Variants in SLC24A3 observed in about 807,000 individuals in gnomAD.
SLC24A3 encodes the protein solute carrier family 24 member 3, also known as sodium/potassium/calcium exchanger 3.
SLC24A3 carries 28 observed loss-of-function variants against 75.8 expected under a neutral mutation model. That is an observed-to-expected ratio of 0.37 (90% CI 0.27 to 0.51). SLC24A3 has a LOEUF of 0.51. Ranked by LOEUF, SLC24A3 falls within the 20% of genes least tolerant of loss-of-function variation. SLC24A3 has a pLI of 0.94. For synonymous variants in SLC24A3, 372 were observed against 334.1 expected, an observed-to-expected ratio of 1.11 and a Z score of -1.24; for missense variants, 663 against 847.8, an observed-to-expected ratio of 0.78 and a Z score of 2.71.
At chr20:19,435,845 A>G (rs10446037) in intron 2 of SLC24A3, among the ~76,000 whole-genome samples, 1,732 of 152,278 alleles carry the variant, frequency 0.011, 17 homozygotes, top group Middle Eastern at 0.027. Context: ...ACTTGCCTAC[A>G]CCTCACATTG....
intron 2 of SLC24A3, among the ~76,000 whole-genome samples, chr20:19,478,977 C>T (rs1414619200): frequency 1.3e-5 from 2 of 152,240 alleles, no homozygotes; most frequent in African/African-American, 4.8e-5. Flanking sequence ...TTCTTGTTCT[C>T]ACACGGGCTG....
At chr20:19,669,629 C>G (rs948853305) in intron 8 of SLC24A3, among the ~76,000 whole-genome samples, 8 of 152,112 alleles carry the variant, frequency 5.3e-5, no homozygotes, top group Admixed American at 3.3e-4. Flanking sequence ...GAAGGCCCAA[C>G]AAGAAAACTA....
At chr20:19,378,282 G>GTT (rs532076608) in intron 2 of SLC24A3, among the ~76,000 whole-genome samples, 7 of 146,936 alleles carry the variant, frequency 4.8e-5, no homozygotes, top group African/African-American at 1.9e-4. Flanking sequence ...CTACGTAGAG[G>GTT]TTTTTTTAAA....
intron 1 of SLC24A3, among the ~76,000 whole-genome samples, chr20:19,270,955 C>A (rs1438752119): frequency 1.3e-5 from 2 of 152,146 alleles, no homozygotes; most frequent in South Asian, 2.1e-4. Flanking sequence ...GGCAGGAGAG[C>A]TTTTGAAGTC....
intron 2 of SLC24A3, among the ~76,000 whole-genome samples, chr20:19,374,263 G>C (rs1006499555): frequency 6.6e-6 from 1 of 152,128 alleles, no homozygotes; most frequent in Admixed American, 6.5e-5. Context: ...AGGGTGGGCC[G>C]TCACTCCTCC....
In SLC24A3 at chr20:19,486,361, G is replaced by C. The variant is rs570313682; in HGVS notation, c.272-29127G>C. ...ACTGTGGTGTGTCTTGATGGTAACA[G>C]TGGTTGAATGAAGAAATGAAAGCCT... On this transcript the variant is annotated intron_variant, in intron 2 of 16. Transcript: ENST00000328041. 8.5e-5 allele frequency among the ~76,000 whole-genome samples: 13 copies of C among 152,346 alleles called. No individual in the cohort carries two copies. In the Middle Eastern group the frequency reaches 0.01, roughly 120 times the overall value.
chr20:19,565,313 C>G (rs2030937927), intron 3 of SLC24A3, among the ~76,000 whole-genome samples: 1 of 152,046 alleles, frequency 6.6e-6, no homozygotes, highest in Non-Finnish European at 1.5e-5. Context: ...AATGTTTCAC[C>G]CCTACAACCT....
intron 3 of SLC24A3, among the ~76,000 whole-genome samples, chr20:19,538,023 A>G (rs2030431586): frequency 1.4e-5 from 2 of 143,996 alleles, no homozygotes; most frequent in African/African-American, 4.9e-5. Context: ...AACTTAAAGT[A>G]TAATAATAAT....
At chr20:19,575,826 C>T (rs922845763) in intron 3 of SLC24A3, among the ~76,000 whole-genome samples, 1 of 152,162 alleles carries the variant, frequency 6.6e-6, no homozygotes, top group Non-Finnish European at 1.5e-5. Flanking sequence ...TGACAGGCAG[C>T]CCCAAAAAGT....
chr20:19,576,868 A>G (rs750132068), intron 3 of SLC24A3, among the ~76,000 whole-genome samples: 1 of 152,164 alleles, frequency 6.6e-6, no homozygotes, highest in Non-Finnish European at 1.5e-5. Flanking sequence ...TTAATCTACA[A>G]ATGTGCAATT....
At chr20:19,628,004 T>G (rs977072282) in intron 6 of SLC24A3, among the ~76,000 whole-genome samples, 12 of 151,736 alleles carry the variant, frequency 7.9e-5, no homozygotes, top group Admixed American at 7.9e-4. Context: ...GAGACCCTCT[T>G]GGCCAACATG....
At chr20:19,578,223 A>G (rs2122630012) in intron 3 of SLC24A3, among the ~76,000 whole-genome samples, 1 of 152,194 alleles carries the variant, frequency 6.6e-6, no homozygotes, top group Non-Finnish European at 1.5e-5. Flanking sequence ...TTGATTTTAG[A>G]CTGGAGCCGG....
chr20:19,540,517 A>G (rs1428385620), intron 3 of SLC24A3, among the ~76,000 whole-genome samples: 1 of 152,230 alleles, frequency 6.6e-6, no homozygotes, highest in African/African-American at 2.4e-5. Context: ...AGATGAAACC[A>G]GCAGGCTCGC....
chr20:19,398,368 T>G (rs2122400121), intron 2 of SLC24A3, among the ~76,000 whole-genome samples: 1 of 152,312 alleles, frequency 6.6e-6, no homozygotes, highest in Middle Eastern at 3.4e-3. Flanking sequence ...GTTTTGTAAT[T>G]TTCATTTTAC....
chr20:19,601,645 A>G (rs1278719294), intron 6 of SLC24A3, among the ~76,000 whole-genome samples: 1 of 152,088 alleles, frequency 6.6e-6, no homozygotes, highest in Non-Finnish European at 1.5e-5. Context: ...CACATGATTC[A>G]TGCAAGGGCT....
At chr20:19,450,504 T>C (rs1292812488) in intron 2 of SLC24A3, among the ~76,000 whole-genome samples, 1 of 152,164 alleles carries the variant, frequency 6.6e-6, no homozygotes, top group African/African-American at 2.4e-5. Flanking sequence ...TCACGTGTCA[T>C]GTTCTCATCA....
At chr20:19,434,577 C>G (rs1360629080) in intron 2 of SLC24A3, among the ~76,000 whole-genome samples, 1 of 152,188 alleles carries the variant, frequency 6.6e-6, no homozygotes, top group East Asian at 1.9e-4. Context: ...CATTTTTGCT[C>G]AGAAAGAAAC....
chr20:19,691,217 T>G (rs1286791770), intron 12 of SLC24A3, among the ~76,000 whole-genome samples: 2 of 152,126 alleles, frequency 1.3e-5, no homozygotes, highest in Non-Finnish European at 2.9e-5. Context: ...TGGAGTGAGA[T>G]GATGAGAGTT....
At chr20:19,700,901 T>C (rs2032864136) in intron 15 of SLC24A3, among the ~76,000 whole-genome samples, 1 of 152,178 alleles carries the variant, frequency 6.6e-6, no homozygotes, top group Non-Finnish European at 1.5e-5. Context: ...ACCTATAGGT[T>C]TTAGAGTTTT....
Sources: allele counts gnomAD v4.1 joint callset (sites outside exome capture counted in the v4.1 genomes callset), GRCh38; gene constraint gnomAD v4.1.1; transcripts MANE v1.5; gene names NCBI Gene and HGNC (gene_info 2026-07-23, HGNC 2026-07-21).